Variants in NUP210 observed in about 807,000 individuals in gnomAD.
NUP210 encodes the protein nucleoporin 210, also known as nuclear pore membrane glycoprotein 210.
In NUP210, 151 loss-of-function variants were observed where a neutral mutation model predicts 196.0. The observed-to-expected ratio is 0.77, with a 90% CI of 0.67 to 0.88. The LOEUF (loss-of-function observed/expected upper bound fraction) is 0.88, where lower values mean the gene tolerates loss of function less well. Ranked by LOEUF, NUP210 falls within the 40% of genes least tolerant of loss-of-function variation. The probability of loss-of-function intolerance (pLI) is 0.00; values close to 1 mark genes in which losing one functional copy is unlikely to be tolerated. For synonymous variants in NUP210, 1,070 were observed against 1,052.7 expected (o/e 1.02, Z -0.32); for missense variants, 2,314 against 2,493.7 (o/e 0.93, Z 1.53).
intron 12 of NUP210, among the ~76,000 whole-genome samples, chr3:13,372,529 GA>G (rs1698765607): frequency 6.6e-6 from 1 of 152,232 alleles, no homozygotes; most frequent in South Asian, 2.1e-4. Context: ...GAAAGCCCCA[GA>G]GAGAGATGCG....
At chr3:13,389,835 G>A (rs945117759) in intron 4 of NUP210, among the ~76,000 whole-genome samples, 40 of 152,318 alleles carry the variant, frequency 2.6e-4, no homozygotes, top group African/African-American at 8.9e-4. Flanking sequence ...AAGTGGAAGA[G>A]CGGAGTCTCA....
At chr3:13,404,099 T>G (rs779110656) in intron 1 of NUP210, among the ~76,000 whole-genome samples, 2 of 152,236 alleles carry the variant, frequency 1.3e-5, no homozygotes, top group Non-Finnish European at 2.9e-5. Context: ...CTTTCAGTTA[T>G]CTGACTTCCT....
At chr3:13,330,909 G>A (rs960624507) in intron 29 of NUP210, among the ~76,000 whole-genome samples, 1 of 152,218 alleles carries the variant, frequency 6.6e-6, no homozygotes, top group Non-Finnish European at 1.5e-5. Flanking sequence ...CAGCCAGCAG[G>A]GAGGGAGAGA....
chr3:13,404,997 G>C (rs996496434), intron 1 of NUP210, among the ~76,000 whole-genome samples: 2 of 152,016 alleles, frequency 1.3e-5, no homozygotes, highest in Non-Finnish European at 2.9e-5. Context: ...GGAACAGTTC[G>C]TTTCTGGAGA....
chr3:13,340,214 G>A lies in NUP210; in HGVS notation c.3291+22C>T. The A allele has an allele frequency of 6.2e-7, 1 of 1,613,272 alleles. No individual in the cohort carries two copies. The highest frequency in any genetic ancestry group is 8.5e-7 in the Non-Finnish European group (1 of 1,179,838). ...GTGGCCTGCACTGGGGCTGGAGCAG[G>A]ACGTGGCCTCTTGGCTCTCACCTGC... On this transcript the variant is annotated intron_variant, in intron 24 of 39. Transcript: ENST00000254508. The surrounding 1 kb of genome is among the most constrained non-coding windows in gnomAD (Gnocchi z 4.0).
At chr3:13,401,153 G>C (rs1699822343) in intron 1 of NUP210, among the ~76,000 whole-genome samples, 1 of 141,130 alleles carries the variant, frequency 7.1e-6, no homozygotes, top group Admixed American at 7.1e-5. Context: ...CAGCTACTCG[G>C]TAGGCTGAGG....
intron 3 of NUP210, among the ~76,000 whole-genome samples, chr3:13,395,746 T>C (rs1011577462): frequency 6.6e-6 from 1 of 152,240 alleles, no homozygotes; most frequent in Middle Eastern, 3.2e-3. Flanking sequence ...AATGCTGTTA[T>C]GAGCATTCAC....
Position 13,352,240 on chromosome 3 carries a change from C to T in NUP210, c.2629-56G>A, listed in dbSNP as rs116329571. ...AGGAGGACATGATTAGGCTGCCCCT[C>T]GGGAAGAACAGGCCCAAAAGCCCTA... On this transcript the variant is annotated intron_variant, in intron 18 of 39. Transcript: ENST00000254508. The T allele has an allele frequency of 6.9e-4, 947 of 1,365,950 alleles. 9 individuals carry two copies. The African/African-American group carries it at 0.012, about 18-fold the overall frequency. 84.6% of individuals were successfully genotyped at this position (1,365,950 alleles called of 1,614,324 possible).
At chr3:13,322,501 T>A (rs1298048953) in intron 34 of NUP210, among the ~76,000 whole-genome samples, 162 bp from the exon 35 acceptor site, 1 of 152,202 alleles carries the variant, frequency 6.6e-6, no homozygotes, top group Admixed American at 6.5e-5. Flanking sequence ...GCAGCCAGGA[T>A]TGGTAAAGCC....
intron 1 of NUP210, among the ~76,000 whole-genome samples, chr3:13,410,850 G>A (rs1481586867): frequency 6.7e-6 from 1 of 150,036 alleles, no homozygotes; most frequent in African/African-American, 2.4e-5. Flanking sequence ...CCCAGGAGGC[G>A]GAGCTGGCAG....
At chr3:13,404,735 G>A (rs1264563623) in intron 1 of NUP210, among the ~76,000 whole-genome samples, 2 of 152,220 alleles carry the variant, frequency 1.3e-5, no homozygotes, top group Non-Finnish European at 2.9e-5. Flanking sequence ...CAGCTTTCCA[G>A]GATGGGCCTT....
intron 20 of NUP210, among the ~76,000 whole-genome samples, chr3:13,344,502 A>C (rs1046147133): frequency 1.3e-5 from 2 of 152,190 alleles, no homozygotes; most frequent in Non-Finnish European, 2.9e-5. Flanking sequence ...AGGGTTTGCA[A>C]AGCTAGAGTT....
Position 13,358,287 on chromosome 3 carries a change from C to T in NUP210, c.2263G>A (p.Ala755Thr), listed in dbSNP as rs775722678. 8 of 1,613,682 alleles carry T rather than the reference C, an allele frequency of 5.0e-6. No individual in the cohort carries two copies. Among genetic ancestry groups the T allele is most frequent in the East Asian group, 2.2e-5 (1 of 44,846 alleles). ...VCAPPSRLTL[A>T]PVYTSPQLDM... is the part of the protein sequence containing the mutation. ...AGCTGGGGGCTGGTGTAGACAGGCG[C>T]GAGGGTGAGCCTGGACGGTGGGGCG... Residue 755 changes from alanine to threonine, a missense_variant, in exon 16 of 40, where the codon GCG (alanine) becomes ACG (threonine). Coordinates refer to ENST00000254508, the MANE Select transcript of NUP210 (RefSeq NM_024923.4).
intron 14 of NUP210, among the ~76,000 whole-genome samples, chr3:13,362,187 A>T (rs987865794): frequency 6.6e-6 from 1 of 152,088 alleles, no homozygotes; most frequent in Non-Finnish European, 1.5e-5. Flanking sequence ...AAACCTTATA[A>T]GAAAAATATT....
rs373357258 is a variant in NUP210, at chr3:13,377,927, C to T, written c.1046-365G>A. Among the ~76,000 whole-genome samples the T allele has an allele frequency of 1.3e-4, 20 of 151,950 alleles. No individual in the cohort carries two copies. In the East Asian group the frequency reaches 2.9e-3, roughly 22 times the overall value. ...CCACCTGCAGGCCCCACACCACCCACCTGCAGGCCCTACACCACCCACCTG... is the reference window on the plus strand; with the variant it reads ...CCACCTGCAGGCCCCACACCACCCATCTGCAGGCCCTACACCACCCACCTG... On this transcript the variant is annotated intron_variant, in intron 8 of 39. Transcript: ENST00000254508.
At chr3:13,412,381 T>C (rs1700206709) in intron 1 of NUP210, among the ~76,000 whole-genome samples, 1 of 151,706 alleles carries the variant, frequency 6.6e-6, no homozygotes, top group African/African-American at 2.4e-5. Flanking sequence ...TTCTTATTAT[T>C]GTATTAAATG....
chr3:13,361,008 G>C (rs1698351890), intron 14 of NUP210, among the ~76,000 whole-genome samples: 1 of 152,190 alleles, frequency 6.6e-6, no homozygotes, highest in South Asian at 2.1e-4. Flanking sequence ...TACAAGTGCA[G>C]GATACAAATC....
intron 1 of NUP210, among the ~76,000 whole-genome samples, chr3:13,415,706 G>C (rs948046937): frequency 1.3e-5 from 2 of 152,016 alleles, no homozygotes; most frequent in African/African-American, 4.8e-5. Context: ...TTGACTATGG[G>C]GCAACTTCTT....
In NUP210 at chr3:13,319,098, C is replaced by G; in HGVS notation, c.5537G>C (p.Arg1846Pro). The G allele has an allele frequency of 3.1e-6, 5 of 1,607,328 alleles. No individual in the cohort carries two copies. Among genetic ancestry groups the G allele is most frequent in the Non-Finnish European group, 4.2e-6 (5 of 1,177,652 alleles). The change falls in exon 39 of 40, where the codon CGA becomes CCA. Residue 1846 changes from arginine to proline, a missense_variant. Physicochemically the swap from Arg to Pro is moderately radical, Grantham distance 103. Coordinates refer to ENST00000254508, the MANE Select transcript of NUP210 (RefSeq NM_024923.4). The part of the protein sequence containing the change: ...DLAVPAALTP[R>P]ASPGHSPHYF... ...GTGGGGGCTGTGTCCAGGGCTGGCT[C>G]GAGGCGTGAGGGCTGCAGGCACAGC...
Sources: allele counts gnomAD v4.1 joint callset (sites outside exome capture counted in the v4.1 genomes callset), GRCh38; gene constraint gnomAD v4.1.1; non-coding constraint Gnocchi (gnomAD v3.1); transcripts MANE v1.5; gene names NCBI Gene and HGNC (gene_info 2026-07-23, HGNC 2026-07-21).